ZNF250: variants seen among roughly 807,000 people sequenced by gnomAD.
ZNF250 encodes the protein zinc finger protein (clone 647).
A neutral mutation model predicts 37.1 loss-of-function variants in ZNF250; 13 were observed. The observed-to-expected ratio is 0.35, with a 90% CI of 0.23 to 0.56. The LOEUF (loss-of-function observed/expected upper bound fraction) is 0.56. ZNF250 is among the 20% of genes least tolerant of loss of function. The pLI is 0.87. For missense variants in ZNF250, 474 were observed against 697.9 expected (o/e 0.68, Z 3.61); for synonymous variants, 251 against 265.6 (o/e 0.94, Z 0.54).
intron 4 of ZNF250, among the ~76,000 whole-genome samples, chr8:144,888,571 C>T (rs1031767964): frequency 1.4e-5 from 2 of 139,636 alleles, no homozygotes; most frequent in African/African-American, 5.4e-5. Flanking sequence ...GCATTCCAGC[C>T]TGGGCGACAG....
In ZNF250 at chr8:144,883,501, G is replaced by A. The variant is rs150263937; in HGVS notation, c.347-665C>T. Among the ~76,000 whole-genome samples the A allele has an allele frequency of 1.8e-3, 267 of 152,134 alleles. 1 individual carries two copies. Among genetic ancestry groups the A allele is most frequent in the African/African-American group, 6.0e-3 (249 of 41,514 alleles). The stretch of plus-strand genomic sequence containing the variant: ...ATTACAGACGCACACCATCATGCCT[G>A]GCTAATTTTTGTATTTTTAGTAGAG... On this transcript the variant is annotated intron_variant, in intron 5 of 5. Coordinates refer to ENST00000417550, the MANE Select transcript of ZNF250 (RefSeq NM_001109689.4).
chr8:144,900,982 G>A (rs892912289), intron 1 of ZNF250, among the ~76,000 whole-genome samples: 1 of 152,222 alleles, frequency 6.6e-6, no homozygotes, highest in African/African-American at 2.4e-5. Context: ...TAGGACTCCG[G>A]CCATCCTGGC....
chr8:144,897,618 A>G lies in ZNF250; in HGVS notation c.-55+3781T>C, dbSNP rs1832808020. Among the ~76,000 whole-genome samples the G allele has an allele frequency of 6.6e-6, 1 of 152,208 alleles. No individual in the cohort carries two copies. Among genetic ancestry groups the G allele is most frequent in the Non-Finnish European group, 1.5e-5 (1 of 68,046 alleles). Reference sequence around the variant, plus strand: ...TAACCCAGCGGCGCTAGAGGAATTAAAGACACACACACAGAAATATAGAGG... The same window carrying G: ...TAACCCAGCGGCGCTAGAGGAATTAGAGACACACACACAGAAATATAGAGG... On this transcript the variant is annotated intron_variant, in intron 1 of 5. Coordinates refer to ENST00000417550, the MANE Select transcript of ZNF250 (RefSeq NM_001109689.4). This position sits in a 1 kb window ranked among gnomAD's most constrained non-coding sequence, Gnocchi z 5.2.
At chr8:144,888,875 C>T (rs403800) in intron 4 of ZNF250, among the ~76,000 whole-genome samples, 1 of 152,088 alleles carries the variant, frequency 6.6e-6, no homozygotes, top group Non-Finnish European at 1.5e-5. Flanking sequence ...GTAGCTGGGA[C>T]TACAGGCCTC....
At chr8:144,892,801 GC>G (rs1308998182) in intron 1 of ZNF250, among the ~76,000 whole-genome samples, 2 of 144,770 alleles carry the variant, frequency 1.4e-5, no homozygotes, top group Non-Finnish European at 3.0e-5. Flanking sequence ...CAGGTGATCC[GC>G]CCGCCTTGGC....
upstream of ZNF250, chr8:144,901,494 GGGGGCTCCTGCCCC>G (rs1833109027): frequency 6.6e-6 from 1 of 152,376 alleles, no homozygotes; most frequent in Non-Finnish European, 1.5e-5. This position sits in a 1 kb window ranked among gnomAD's most constrained non-coding sequence, Gnocchi z 5.4. Flanking sequence ...GCCAATCCCT[GGGGGCTCCTGCCCC>G]TCAGTTCCCG....
chr8:144,880,439 C>T lies in ZNF250; in HGVS notation c.*1076G>A, dbSNP rs950155521. ...CCTGCATGGGAATTGAGACATCTCA[C>T]GGTTTCTGGGGCACAGGATCTGCAG... On this transcript the variant is annotated 3_prime_UTR_variant, in exon 6 of 6. Coordinates refer to ENST00000417550, the MANE Select transcript of ZNF250 (RefSeq NM_001109689.4). 8.8e-6 allele frequency: 4 copies of T among 456,628 alleles called. No individual in the cohort carries two copies. The highest frequency in any genetic ancestry group is 3.2e-4 in the Middle Eastern group (1 of 3,100). The allele number at this position is 456,628 out of a possible 1,614,324, so 28.3% of individuals were successfully genotyped here.
chr8:144,885,560 G>C (rs1379110352), intron 5 of ZNF250, among the ~76,000 whole-genome samples: 1 of 152,208 alleles, frequency 6.6e-6, no homozygotes, highest in African/African-American at 2.4e-5. Flanking sequence ...AACCTCCTGG[G>C]CTCAAGGAAT....
chr8:144,883,052 G>A (rs996813549), intron 5 of ZNF250, among the ~76,000 whole-genome samples: 2 of 152,228 alleles, frequency 1.3e-5, no homozygotes, highest in African/African-American at 4.8e-5. Flanking sequence ...AGCTTTAAGA[G>A]AAAGGTGTAA....
chr8:144,882,199 G>A lies in ZNF250; in HGVS notation c.984C>T (p.His328=), dbSNP rs1308613413. The change falls in exon 6 of 6, where the codon CAC becomes CAT. Residue 328 remains histidine, a synonymous_variant. Transcript: ENST00000417550. The surrounding 1 kb of genome is among the most constrained non-coding windows in gnomAD (Gnocchi z 5.5). The part of the protein sequence containing the change: ...STVLRSHQRV[H]TGEKPHRCNE... ...TGCACCTGTGAGGCTTCTCCCCAGT[G>A]TGTACCCTCTGGTGGCTCCGCAGAA... 5 of 1,614,008 alleles carry A rather than the reference G, an allele frequency of 3.1e-6. No individual in the cohort carries two copies. The highest frequency in any genetic ancestry group is 4.2e-6 in the Non-Finnish European group (5 of 1,180,022).
chr8:144,884,456 G>A (rs1311837135), intron 5 of ZNF250, among the ~76,000 whole-genome samples: 2 of 151,984 alleles, frequency 1.3e-5, no homozygotes, highest in Non-Finnish European at 2.9e-5. Context: ...GTTTCACCAT[G>A]TTGGCCAGGA....
Position 144,881,989 on chromosome 8 carries a change from G to A in ZNF250, c.1194C>T (p.Thr398=). The A allele has an allele frequency of 6.2e-7, 1 of 1,614,104 alleles. No individual in the cohort carries two copies. The highest frequency in any genetic ancestry group is 8.5e-7 in the Non-Finnish European group (1 of 1,180,022). The change falls in exon 6 of 6, where the codon ACC becomes ACT. Residue 398 remains threonine (T), a synonymous_variant. Coordinates refer to ENST00000417550, the MANE Select transcript of ZNF250 (RefSeq NM_001109689.4). The part of the protein sequence containing the change: ...KPYECSECGK[T]FSHRSTLMNH... ...TCATCAGTGTGGAGCGGTGGCTGAA[G>A]GTCTTCCCACACTCACTGCACTCAT...
At position 144,890,487 on chromosome 8, in the gene ZNF250, A is replaced by G. The variant is rs1157010141; in HGVS notation, c.-54-84T>C. The G allele has an allele frequency of 3.8e-6, 3 of 787,260 alleles. No homozygotes were observed. Among genetic ancestry groups the G allele is most frequent in the Non-Finnish European group, 3.7e-6 (2 of 535,594 alleles). 48.8% of individuals were successfully genotyped at this position (787,260 alleles called of 1,614,324 possible). ...GGCCCTCAGGGGATCCCTGGGCCTC[A>G]TTCAGAGTCACTGAGGGGCACACTG... On this transcript the variant is annotated intron_variant, in intron 1 of 5. Transcript: ENST00000417550. The surrounding 1 kb of genome is among the most constrained non-coding windows in gnomAD (Gnocchi z 5.1).
At chr8:144,892,126 G>C (rs936675055) in intron 1 of ZNF250, among the ~76,000 whole-genome samples, 5 of 152,222 alleles carry the variant, frequency 3.3e-5, no homozygotes, top group African/African-American at 7.2e-5. Flanking sequence ...CAGTTGGAGA[G>C]AGACTGACTT....
intron 4 of ZNF250, among the ~76,000 whole-genome samples, chr8:144,887,213 T>C (rs1831948730): frequency 7.9e-6 from 1 of 126,054 alleles, no homozygotes; most frequent in African/African-American, 3.2e-5. Context: ...ATCACACTAC[T>C]GCACTCCAGC....
intron 4 of ZNF250, among the ~76,000 whole-genome samples, chr8:144,889,075 C>A (rs1832123645): frequency 6.6e-6 from 1 of 152,176 alleles, no homozygotes; most frequent in Non-Finnish European, 1.5e-5. Context: ...GCCGGTTTTG[C>A]CTTATTTTGT....
intron 5 of ZNF250, among the ~76,000 whole-genome samples, chr8:144,886,117 C>T (rs1831859988): frequency 6.7e-6 from 1 of 150,312 alleles, no homozygotes; most frequent in African/African-American, 2.4e-5. Context: ...AAAAAAGTTT[C>T]CTGAATGGGC....
chr8:144,896,008 C>CAAAAAAAAAAAAA (rs1183288137), intron 1 of ZNF250, among the ~76,000 whole-genome samples: 1 of 64,912 alleles, frequency 1.5e-5, no homozygotes, highest in African/African-American at 5.4e-5. Flanking sequence ...GACTCTGTCT[C>CAAAAAAAAAAAAA]AAAAAAAAAA....
In ZNF250 at chr8:144,882,745, C is replaced by T; in HGVS notation, c.438G>A (p.Leu146=). The change falls in exon 6 of 6, where the codon TTG becomes TTA. Residue 146 remains leucine (L), a synonymous_variant. Transcript: ENST00000417550. The surrounding 1 kb of genome is among the most constrained non-coding windows in gnomAD (Gnocchi z 5.5). ...EQTVILGKTP[L]GRIDQENNET... is the part of the protein sequence containing the mutation. ...CATTATTTTCTTGATCAATCCTCCC[C>T]AAGGGTGTTTTCCCCAGAATCACTG... is the stretch of plus-strand genomic sequence containing the variant. 2 of 1,614,058 alleles carry T rather than the reference C, an allele frequency of 1.2e-6. No homozygotes were observed. The highest frequency in any genetic ancestry group is 1.7e-6 in the Non-Finnish European group (2 of 1,179,902).
Sources: allele counts gnomAD v4.1 joint callset (sites outside exome capture counted in the v4.1 genomes callset), GRCh38; gene constraint gnomAD v4.1.1; non-coding constraint Gnocchi (gnomAD v3.1); transcripts MANE v1.5; gene names NCBI Gene and HGNC (gene_info 2026-07-23, HGNC 2026-07-21).